Variants in ASAP1 observed in about 807,000 individuals in gnomAD.
The protein encoded by ASAP1 is arf-GAP with SH3 domain, ANK repeat and PH domain-containing protein 1.
A neutral mutation model predicts 145.2 loss-of-function variants in ASAP1; 43 were observed. That is an observed-to-expected ratio of 0.30 (90% CI 0.23 to 0.38). ASAP1 has a LOEUF of 0.38. Among genes scored for constraint, ASAP1 ranks in the 10% least tolerant of loss-of-function variants. ASAP1 has a pLI of 1.00. For missense variants in ASAP1, 1,018 were observed against 1,355.3 expected, an observed-to-expected ratio of 0.75 and a Z score of 3.91; for synonymous variants, 546 against 515.5, an observed-to-expected ratio of 1.06 and a Z score of -0.80.
At chr8:130,404,134 T>C (rs1828923744) in intron 1 of ASAP1, among the ~76,000 whole-genome samples, 1 of 152,244 alleles carries the variant, frequency 6.6e-6, no homozygotes, top group Non-Finnish European at 1.5e-5. Flanking sequence ...TGTGTTTGGA[T>C]TTGTTTATTG....
At chr8:130,181,957 C>T (rs1814386209) in intron 7 of ASAP1, among the ~76,000 whole-genome samples, 1 of 152,354 alleles carries the variant, frequency 6.6e-6, no homozygotes, top group South Asian at 2.1e-4. Flanking sequence ...CTTACCTATA[C>T]ACAGACATAG....
intron 15 of ASAP1, among the ~76,000 whole-genome samples, chr8:130,133,419 G>A (rs1322926104): frequency 6.6e-6 from 1 of 151,920 alleles, no homozygotes; most frequent in East Asian, 1.9e-4. Flanking sequence ...CACTTTGGGA[G>A]GCCGAGGCGG....
chr8:130,409,721 A>G (rs2138631270), intron 1 of ASAP1, among the ~76,000 whole-genome samples: 1 of 152,354 alleles, frequency 6.6e-6, no homozygotes, highest in African/African-American at 2.4e-5. Context: ...GATTCAAATG[A>G]TAACAATCAA....
intron 2 of ASAP1, among the ~76,000 whole-genome samples, chr8:130,371,873 G>A (rs185890781): frequency 6.6e-6 from 1 of 152,330 alleles, no homozygotes; most frequent in East Asian, 1.9e-4. Flanking sequence ...TTTGTACAGA[G>A]TTGAAATCTA....
intron 4 of ASAP1, among the ~76,000 whole-genome samples, chr8:130,217,663 C>G (rs569323524): frequency 6.6e-6 from 1 of 152,238 alleles, no homozygotes; most frequent in African/African-American, 2.4e-5. Context: ...GTGAGCTGGA[C>G]TTTCAAAGCT....
chr8:130,070,259 C>T (rs887631258), intron 27 of ASAP1, among the ~76,000 whole-genome samples: 3 of 152,070 alleles, frequency 2.0e-5, no homozygotes, highest in South Asian at 4.1e-4. Flanking sequence ...GGATGGTCTC[C>T]ATCTCCTGAC....
intron 2 of ASAP1, among the ~76,000 whole-genome samples, chr8:130,377,533 A>G (rs1258944685): frequency 6.6e-6 from 1 of 152,170 alleles, no homozygotes; most frequent in African/African-American, 2.4e-5. Context: ...ACCGGGATGT[A>G]AACGTGAGCA....
intron 3 of ASAP1, among the ~76,000 whole-genome samples, chr8:130,294,941 G>A (rs1205380818): frequency 2.0e-5 from 3 of 152,182 alleles, no homozygotes; most frequent in Non-Finnish European, 4.4e-5. Flanking sequence ...TGTGGACAGG[G>A]TTGTTGGATT....
intron 12 of ASAP1, among the ~76,000 whole-genome samples, chr8:130,154,903 A>T (rs1448125949): frequency 6.6e-6 from 1 of 152,188 alleles, no homozygotes; most frequent in Non-Finnish European, 1.5e-5. Context: ...CTGGCCAGGG[A>T]AATGTCTGAT....
chr8:130,151,091 G>A (rs963568096), intron 13 of ASAP1, among the ~76,000 whole-genome samples: 5 of 151,956 alleles, frequency 3.3e-5, no homozygotes, highest in Admixed American at 3.3e-4. Flanking sequence ...GCTGAAGAAG[G>A]GCCAGGCGTG....
At chr8:130,292,150 T>C (rs1425071316) in intron 3 of ASAP1, among the ~76,000 whole-genome samples, 6 of 152,218 alleles carry the variant, frequency 3.9e-5, no homozygotes, top group Admixed American at 2.6e-4. Context: ...GAGCAGACTA[T>C]AGGGAAAAAG....
At chr8:130,147,974 T>A (rs1359215593) in intron 13 of ASAP1, among the ~76,000 whole-genome samples, 1 of 152,250 alleles carries the variant, frequency 6.6e-6, no homozygotes, top group Non-Finnish European at 1.5e-5. Flanking sequence ...TCTGAAGACA[T>A]CTGAAAGATG....
chr8:130,071,490 ACTTGC>A (rs1384642920), intron 27 of ASAP1, among the ~76,000 whole-genome samples: 4 of 152,212 alleles, frequency 2.6e-5, no homozygotes, highest in Non-Finnish European at 5.9e-5. Flanking sequence ...CTGAGGAGCT[ACTTGC>A]TAGACTTGTA....
intron 27 of ASAP1, among the ~76,000 whole-genome samples, chr8:130,075,881 C>T (rs1391818165): frequency 1.3e-5 from 2 of 152,286 alleles, no homozygotes; most frequent in East Asian, 1.9e-4. Context: ...TCCTTTGCCA[C>T]CCACTTGCTG....
chr8:130,355,053 T>C (rs1300072633), intron 3 of ASAP1, among the ~76,000 whole-genome samples: 1 of 152,078 alleles, frequency 6.6e-6, no homozygotes, highest in African/African-American at 2.4e-5. Context: ...GCCTGGCTAA[T>C]TTTTTAGTAG....
chr8:130,190,891 T>C (rs146180149), intron 5 of ASAP1, among the ~76,000 whole-genome samples: 123 of 152,288 alleles, frequency 8.1e-4, no homozygotes, highest in African/African-American at 2.8e-3. Flanking sequence ...AGTCAGGTAA[T>C]GTGATGCCTC....
intron 11 of ASAP1, among the ~76,000 whole-genome samples, chr8:130,161,654 T>C (rs1246169483): frequency 6.6e-6 from 1 of 152,198 alleles, no homozygotes; most frequent in Non-Finnish European, 1.5e-5. Flanking sequence ...TCTATTTGAA[T>C]AATTTCTCTG....
chr8:130,076,308 C>T, intron 27 of ASAP1, 40 bp downstream of exon 27: 1 of 1,510,192 alleles, frequency 6.6e-7, no homozygotes. Flanking sequence ...GGGGTAGTGA[C>T]ACTTTAATTA....
chr8:130,207,944 CAA>C (rs2136369290), intron 5 of ASAP1, among the ~76,000 whole-genome samples: 1 of 152,284 alleles, frequency 6.6e-6, no homozygotes, highest in African/African-American at 2.4e-5. Flanking sequence ...TCAGTTGGCT[CAA>C]AGAGTATCAG....
Sources: gnomAD v4.1 joint callset for allele counts (sites outside exome capture counted in the v4.1 genomes callset) on GRCh38, gnomAD v4.1.1 for gene constraint, MANE v1.5 for transcripts, NCBI Gene and HGNC (gene_info 2026-07-23, HGNC 2026-07-21) for gene names.